LAMC2: variants seen among roughly 807,000 people sequenced by gnomAD.
The protein encoded by LAMC2 is laminin subunit gamma-2.
LAMC2 carries 97 observed loss-of-function variants against 140.2 expected under a neutral mutation model. The ratio of observed to expected loss-of-function variants is 0.69; its 90% CI spans 0.59 to 0.82. The LOEUF is 0.82. LAMC2 is among the 40% of genes least tolerant of loss of function. The pLI is 0.00. For missense variants in LAMC2, 1,402 were observed against 1,476.1 expected (o/e 0.95, Z 0.82); for synonymous variants, 513 against 540.2 (o/e 0.95, Z 0.70).
intron 1 of LAMC2, among the ~76,000 whole-genome samples, chr1:183,193,904 G>C (rs899797144): frequency 6.6e-6 from 1 of 150,914 alleles, no homozygotes; most frequent in African/African-American, 2.4e-5. Context: ...GCTCATAAGA[G>C]CTCATTTAAT....
intron 1 of LAMC2, among the ~76,000 whole-genome samples, chr1:183,201,541 C>T (rs1658707317): frequency 6.6e-6 from 1 of 152,206 alleles, no homozygotes; most frequent in Non-Finnish European, 1.5e-5. Context: ...GCACTGATTC[C>T]TGTTCAAGTA....
At chr1:183,191,077 A>C (rs1006752841) in intron 1 of LAMC2, among the ~76,000 whole-genome samples, 1 of 152,220 alleles carries the variant, frequency 6.6e-6, no homozygotes, top group Non-Finnish European at 1.5e-5. Flanking sequence ...TAAGTCTCCA[A>C]TACATTGATT....
chr1:183,252,591 G>T, the LAMC2 span: 1 of 1,243,224 alleles, frequency 8.0e-7, no homozygotes, highest in Admixed American at 1.7e-5. Flanking sequence ...GAGAAACAGG[G>T]GGCTGACAAA....
At chr1:183,258,333 C>T in the LAMC2 span, among the ~76,000 whole-genome samples, 44 of 152,286 alleles carry the variant, frequency 2.9e-4, no homozygotes, top group Non-Finnish European at 5.6e-4. Flanking sequence ...TCACTGGAGA[C>T]CAGCTCACTG....
At chr1:183,199,561 A>G (rs1369943613) in intron 1 of LAMC2, among the ~76,000 whole-genome samples, 1 of 151,372 alleles carries the variant, frequency 6.6e-6, no homozygotes, top group African/African-American at 2.4e-5. Context: ...CCATCCATCC[A>G]TCCATCCAAG....
At chr1:183,187,562 C>G (rs1658194807) in intron 1 of LAMC2, among the ~76,000 whole-genome samples, 1 of 150,474 alleles carries the variant, frequency 6.6e-6, no homozygotes, top group Non-Finnish European at 1.5e-5. Context: ...ATTTGCCTGA[C>G]TAGAATACTA....
chr1:183,212,337 A>G lies in LAMC2; in HGVS notation c.269-3116A>G, dbSNP rs562127626. On this transcript the variant is annotated intron_variant, in intron 2 of 22. Coordinates refer to ENST00000264144, the MANE Select transcript of LAMC2 (RefSeq NM_005562.3). ...CCTTCCTTCTGCTGACCACTCACAG[A>G]GCAATGATCATGAAGTCTCTAAACA... Among the ~76,000 whole-genome samples, 6 of 152,308 alleles carry G rather than the reference A, an allele frequency of 3.9e-5. 1 individual carries two copies. The East Asian group carries it at 1.2e-3, about 29-fold the overall frequency.
chr1:183,189,658 G>A (rs941237162), intron 1 of LAMC2, among the ~76,000 whole-genome samples: 2 of 152,200 alleles, frequency 1.3e-5, no homozygotes, highest in African/African-American at 4.8e-5. Context: ...ACTTAAAAAA[G>A]AGATAGAGGA....
At chr1:183,239,641 G>A in intron 20 of LAMC2, 78 bp downstream of exon 20, 1 of 1,309,712 alleles carries the variant, frequency 7.6e-7, no homozygotes, top group Non-Finnish European at 1.1e-6. Context: ...AGAACATTGA[G>A]CTTATTTTAA....
At chr1:183,231,350 G>A (rs986995746) in intron 12 of LAMC2, among the ~76,000 whole-genome samples, 9 of 152,144 alleles carry the variant, frequency 5.9e-5, no homozygotes, top group African/African-American at 1.9e-4. Context: ...TGGTACTCAT[G>A]ATAACTTAGT....
At chr1:183,203,474 C>T (rs979605118) in intron 1 of LAMC2, among the ~76,000 whole-genome samples, 2 of 150,164 alleles carry the variant, frequency 1.3e-5, no homozygotes, top group Non-Finnish European at 3.0e-5. Context: ...TTGTTTCCTG[C>T]CCCCCGCCCC....
chr1:183,235,974 T>C (rs922893415), intron 16 of LAMC2, among the ~76,000 whole-genome samples: 3 of 152,206 alleles, frequency 2.0e-5, no homozygotes, highest in African/African-American at 4.8e-5. Context: ...CTGGGAGGTA[T>C]GGTCACCCTC....
rs542174252 is a variant in LAMC2 at position 183,203,889 on chromosome 1, T to A, written c.80-3992T>A. 5.9e-5 allele frequency among the ~76,000 whole-genome samples: 9 copies of A among 152,270 alleles called. No homozygotes were observed. The South Asian group carries it at 1.9e-3, about 32-fold the overall frequency. On this transcript the variant is annotated intron_variant, in intron 1 of 22. Transcript: ENST00000264144. ...AGACCCATTTGAAAGGAAAGGGGTA[T>A]GTTTGCAATAGGCTTAGAATCTGTT...
chr1:183,240,427 A>G (rs1467826050), intron 22 of LAMC2, 36 bp downstream of exon 22: 3 of 1,613,228 alleles, frequency 1.9e-6, no homozygotes, highest in East Asian at 2.2e-5. Context: ...TTCCAGCTCC[A>G]TGCTCCAGGG....
At position 183,231,048 on chromosome 1, in the gene LAMC2, A is replaced by G. The variant is rs374366731; in HGVS notation, c.1802A>G (p.Asn601Ser). Residue 601 changes from asparagine (N) to serine (S), a missense_variant, in exon 12 of 23, where the codon AAC (asparagine) becomes AGC (serine). Asn to Ser is a conservative substitution (Grantham distance 46). Coordinates refer to ENST00000264144, the MANE Select transcript of LAMC2 (RefSeq NM_005562.3). ...CVCKPGFGGP[N>S]CEHGAFSCPA... ...TGCAAGCCAGGATTTGGTGGCCCCA[A>G]CTGTGAGCATGGAGCATTCAGCTGT... The G allele has an allele frequency of 4.3e-6, 7 of 1,614,166 alleles. No homozygotes were observed. Among genetic ancestry groups the G allele is most frequent in the Middle Eastern group, 1.6e-4 (1 of 6,062 alleles).
In LAMC2 at chr1:183,232,488, G is replaced by T. The variant is rs1659829870; in HGVS notation, c.2014+145G>T. 3.6e-6 allele frequency: 4 copies of T among 1,110,224 alleles called. 1 individual carries two copies. The highest frequency in any genetic ancestry group is 5.3e-6 in the Non-Finnish European group (4 of 748,512). 68.8% of individuals were successfully genotyped at this position (1,110,224 alleles called of 1,614,324 possible). The stretch of plus-strand genomic sequence containing the variant: ...TGCAGAAGTGGAAGGACTGTCTGTG[G>T]CATTCCCCCTGGGATCTGAATGATG... On this transcript the variant is annotated intron_variant, in intron 13 of 22. Transcript: ENST00000264144.
In LAMC2 at chr1:183,226,901, T is replaced by C; in HGVS notation, c.1270T>C (p.Cys424Arg). ...IPCNCQGGGA[C>R]DPDTGDCYSG... ...TTGTAACTGTCAAGGGGGAGGGGCC[T>C]GTGATCCAGACACAGGTGAGTGAAA... Residue 424 changes from cysteine to arginine, a missense_variant, in exon 9 of 23, where the codon TGT becomes CGT. Around this residue, in one of 3 missense-constraint regions of LAMC2, gnomAD observed 723 missense variants for 783.3 expected, o/e 0.92. Coordinates refer to ENST00000264144, the MANE Select transcript of LAMC2 (RefSeq NM_005562.3). The C allele has an allele frequency of 1.2e-6, 2 of 1,613,852 alleles. 1 individual carries two copies. The highest frequency in any genetic ancestry group is 2.2e-5 in the South Asian group (2 of 91,058).
At chr1:183,252,361 G>C in the LAMC2 span, 50 of 423,802 alleles carry the variant, frequency 1.2e-4, no homozygotes, top group Non-Finnish European at 1.6e-4. Flanking sequence ...AGCATGCTGG[G>C]AGACGGACAC....
Position 183,240,190 on chromosome 1 carries a change from G to GTACA in LAMC2, c.3221_3224dup (p.Gln1075HisfsTer12). ...GGAGTTTGACACGAATATGGATGCA[G>GTACA]TACAGATGGTGAGTTCCTGTTGCTT... On this transcript the variant is annotated frameshift_variant, in exon 21 of 23. Transcript: ENST00000264144. LOFTEE classifies it high-confidence loss of function. 6.2e-7 allele frequency: 1 copy of GTACA among 1,614,230 alleles called. No individual in the cohort carries two copies. The highest frequency in any genetic ancestry group is 8.5e-7 in the Non-Finnish European group (1 of 1,180,048).
Sources: gnomAD v4.1 joint callset for allele counts (sites outside exome capture counted in the v4.1 genomes callset) on GRCh38, gnomAD v4.1.1 for gene constraint, gnomAD v4.1.1 regional missense constraint, MANE v1.5 for transcripts, NCBI Gene and HGNC (gene_info 2026-07-23, HGNC 2026-07-21) for gene names.